The following RAD50 variants were observed in gnomAD, a reference collection of about 807,000 sequenced individuals.
RAD50 encodes RAD50 double strand break repair protein.
RAD50 carries 132 observed loss-of-function variants against 168.8 expected under a neutral mutation model. That is an observed-to-expected ratio of 0.78 (90% CI 0.68 to 0.90). The LOEUF (loss-of-function observed/expected upper bound fraction) is 0.90. Among genes scored for constraint, RAD50 ranks in the 40% least tolerant of loss-of-function variants. The probability of loss-of-function intolerance (pLI) is 0.00; values close to 1 mark genes in which losing one functional copy is unlikely to be tolerated. For synonymous variants in RAD50, 525 were observed against 497.4 expected (o/e 1.06, Z -0.74); for missense variants, 1,347 against 1,534.4 (o/e 0.88, Z 2.04).
chr5:132,643,488 C>T lies in RAD50; in HGVS notation c.*1124C>T. The stretch of plus-strand genomic sequence containing the variant: ...GTCACATGGCATGGTTTTGTGCCAT[C>T]TGTAGCTATAATGAGCATGTTTGCC... On this transcript the variant is annotated 3_prime_UTR_variant, in exon 25 of 25. Transcript: ENST00000378823. 1 of 232,438 alleles carries T rather than the reference C, an allele frequency of 4.3e-6. No individual in the cohort carries two copies. 14.4% of individuals were successfully genotyped at this position (232,438 alleles called of 1,614,324 possible). A position where few individuals can be genotyped will look rare whatever the true frequency, so the allele number is the denominator to read the frequency against.
intron 21 of RAD50, 117 bp downstream of exon 21, chr5:132,618,411 T>C (rs1037307759): frequency 6.7e-7 from 1 of 1,494,862 alleles, no homozygotes; most frequent in East Asian, 2.5e-5. Flanking sequence ...AGAGTTTCAC[T>C]CTTGTTTCCC....
chr5:132,620,676 A>G (rs1751270220), intron 21 of RAD50, among the ~76,000 whole-genome samples: 1 of 151,692 alleles, frequency 6.6e-6, no homozygotes, highest in African/African-American at 2.4e-5. Flanking sequence ...TAACATGGGG[A>G]TTAGGGACAC....
intron 2 of RAD50, among the ~76,000 whole-genome samples, chr5:132,569,564 G>A (rs145283536): frequency 9.1e-4 from 138 of 152,304 alleles, no homozygotes; most frequent in Non-Finnish European, 1.5e-3. Context: ...CCTCTCAGTA[G>A]AGAAAAGAAG....
chr5:132,576,076 G>A (rs542794747), intron 3 of RAD50, 148 bp downstream of exon 3: 76 of 836,462 alleles, frequency 9.1e-5, no homozygotes, highest in Non-Finnish European at 1.2e-4. Flanking sequence ...GCAGTTTTGG[G>A]TTTATAGCAA....
At chr5:132,615,013 T>G (rs1238586134) in intron 19 of RAD50, among the ~76,000 whole-genome samples, 1 of 152,128 alleles carries the variant, frequency 6.6e-6, no homozygotes, top group African/African-American at 2.4e-5. Flanking sequence ...GAGTTTAGCT[T>G]AGCTGCAAGG....
intron 1 of RAD50, among the ~76,000 whole-genome samples, chr5:132,557,956 ACTTCT>A (rs1259644126): frequency 7.2e-5 from 11 of 152,230 alleles, no homozygotes; most frequent in African/African-American, 2.2e-4. Context: ...AACTTGGAAA[ACTTCT>A]CTTCTTAAAA....
intron 19 of RAD50, among the ~76,000 whole-genome samples, chr5:132,614,388 A>T (rs1354689555): frequency 6.6e-6 from 1 of 152,166 alleles, no homozygotes; most frequent in East Asian, 1.9e-4. Context: ...TTTAGCAACA[A>T]AGGACATTTA....
chr5:132,641,387 A>G (rs1751717429), intron 24 of RAD50, among the ~76,000 whole-genome samples: 1 of 152,098 alleles, frequency 6.6e-6, no homozygotes, highest in African/African-American at 2.4e-5. Flanking sequence ...AGAAAAAGGC[A>G]GTTTCCCTGA....
intron 8 of RAD50, 64 bp from the exon 9 acceptor site, chr5:132,589,567 T>A: frequency 7.9e-7 from 1 of 1,272,466 alleles, no homozygotes; most frequent in South Asian, 1.5e-5. Context: ...ATATTCCTTT[T>A]GCAATTAAAA....
At chr5:132,620,301 T>C (rs903408564) in intron 21 of RAD50, among the ~76,000 whole-genome samples, 5 of 152,218 alleles carry the variant, frequency 3.3e-5, no homozygotes, top group African/African-American at 1.2e-4. Context: ...TATGAATAAC[T>C]GGTTGTCTTG....
intron 2 of RAD50, among the ~76,000 whole-genome samples, chr5:132,570,261 C>G (rs774343039): frequency 6.6e-6 from 1 of 151,388 alleles, no homozygotes; most frequent in Non-Finnish European, 1.5e-5. Flanking sequence ...TATACTGATA[C>G]AAGAAAATGG....
chr5:132,570,339 A>G (rs1750280773), intron 2 of RAD50, among the ~76,000 whole-genome samples: 1 of 152,228 alleles, frequency 6.6e-6, no homozygotes, highest in Non-Finnish European at 1.5e-5. Flanking sequence ...GGAATAATGG[A>G]ACTAGAAAAT....
chr5:132,638,163 G>C lies in RAD50; in HGVS notation c.3558G>C (p.Val1186=), dbSNP rs2149863600. The part of the protein sequence containing the change: ...SDKRRNYNYR[V]VMLKGDTALD... ...AAAGGCGGAATTATAACTACCGAGTGGTGATGCTGAAGGGAGACACAGCCT... is the reference window on the plus strand; with the variant it reads ...AAAGGCGGAATTATAACTACCGAGTCGTGATGCTGAAGGGAGACACAGCCT... Residue 1186 remains valine (V), a synonymous_variant, in exon 23 of 25, where the codon GTG becomes GTC. Transcript: ENST00000378823. 1 of 1,614,174 alleles carries C rather than the reference G, an allele frequency of 6.2e-7. No homozygotes were observed. The highest frequency in any genetic ancestry group is 1.7e-5 in the Admixed American group (1 of 60,022).
chr5:132,623,326 A>G (rs1169784943), intron 21 of RAD50, among the ~76,000 whole-genome samples: 1 of 152,296 alleles, frequency 6.6e-6, no homozygotes, highest in Admixed American at 6.5e-5. Flanking sequence ...TAAAAAAAAT[A>G]CAAAAATTAG....
rs184673531 is a variant in RAD50 at position 132,645,163 on chromosome 5, C to T, written c.*2799C>T. The T allele has an allele frequency of 1.7e-4, 26 of 152,368 alleles. No individual in the cohort carries two copies. The highest frequency in any genetic ancestry group is 3.3e-4 in the Admixed American group (5 of 15,302). 9.4% of individuals were successfully genotyped at this position (152,368 alleles called of 1,614,324 possible). A position where few individuals can be genotyped will look rare whatever the true frequency, so the allele number is the denominator to read the frequency against. Reference sequence around the variant, plus strand: ...TAAGCATCTCACTCTCCAATAACCCCATGGTGTCTACAATTTTCCTGTGGT... The same window carrying T: ...TAAGCATCTCACTCTCCAATAACCCTATGGTGTCTACAATTTTCCTGTGGT... On this transcript the variant is annotated 3_prime_UTR_variant, in exon 25 of 25. Coordinates refer to ENST00000378823, the MANE Select transcript of RAD50 (RefSeq NM_005732.4).
chr5:132,643,150 A>C lies in RAD50; in HGVS notation c.*786A>C, dbSNP rs755978320. The C allele has an allele frequency of 8.3e-6, 4 of 480,192 alleles. No individual in the cohort carries two copies. Among genetic ancestry groups the C allele is most frequent in the Non-Finnish European group, 1.7e-5 (4 of 229,172 alleles). The allele number at this position is 480,192 out of a possible 1,614,324, so 29.7% of individuals were successfully genotyped here. Reference sequence around the variant, plus strand: ...CTCCTCTGCGTCTATCCTGTGTAGCATACTGGCTTCACCATCAATCCTGAT... The same window carrying C: ...CTCCTCTGCGTCTATCCTGTGTAGCCTACTGGCTTCACCATCAATCCTGAT... On this transcript the variant is annotated 3_prime_UTR_variant, in exon 25 of 25. Transcript: ENST00000378823.
At chr5:132,618,435 A>G (rs2149854042) in intron 21 of RAD50, 141 bp downstream of exon 21, 2 of 1,442,698 alleles carry the variant, frequency 1.4e-6, no homozygotes, top group Non-Finnish European at 1.8e-6. Flanking sequence ...CTGGAGTGCA[A>G]TGGCACGATC....
At chr5:132,606,124 AAGATT>A (rs1750981581) in intron 16 of RAD50, among the ~76,000 whole-genome samples, 1 of 152,170 alleles carries the variant, frequency 6.6e-6, no homozygotes, top group Non-Finnish European at 1.5e-5. Context: ...AGAAATAACT[AAGATT>A]AGAGCAGAAC....
intron 21 of RAD50, among the ~76,000 whole-genome samples, chr5:132,619,803 T>C (rs1256553924): frequency 7.0e-6 from 1 of 143,562 alleles, no homozygotes; most frequent in East Asian, 2.0e-4. Context: ...TCTCTCTCTC[T>C]CTCTCTCTAC....
Sources: gnomAD v4.1 joint callset for allele counts (sites outside exome capture counted in the v4.1 genomes callset) on GRCh38, gnomAD v4.1.1 for gene constraint, MANE v1.5 for transcripts, NCBI Gene and HGNC (gene_info 2026-07-23, HGNC 2026-07-21) for gene names.